HLCS: variants seen among roughly 807,000 people sequenced by gnomAD.
The protein encoded by HLCS is holocarboxylase synthetase.
A neutral mutation model predicts 75.0 loss-of-function variants in HLCS; 53 were observed. The ratio of observed to expected loss-of-function variants is 0.71; its 90% CI spans 0.57 to 0.89. The LOEUF is 0.89. Ranked by LOEUF, HLCS falls within the 40% of genes least tolerant of loss-of-function variation. The pLI is 0.00. For missense variants in HLCS, 966 were observed against 1,074.0 expected, an observed-to-expected ratio of 0.90 and a Z score of 1.41; for synonymous variants, 431 against 428.6, an observed-to-expected ratio of 1.01 and a Z score of -0.07.
intron 5 of HLCS, among the ~76,000 whole-genome samples, chr21:36,905,047 T>C (rs950093373): frequency 3.9e-5 from 6 of 152,218 alleles, no homozygotes; most frequent in Non-Finnish European, 7.3e-5. Context: ...CCCACAGCCG[T>C]TCACAAACTT....
rs116526486 is a variant in HLCS at position 36,753,699 on chromosome 21, G to A, written c.*547C>T. On this transcript the variant is annotated 3_prime_UTR_variant, in exon 11 of 11. Coordinates refer to ENST00000674895, the MANE Select transcript of HLCS (RefSeq NM_001352514.2). The surrounding 1 kb of genome is among the most constrained non-coding windows in gnomAD (Gnocchi z 4.3). ...GACTTCGCTATGGGGCCACACCACC[G>A]GGTGGACAGTAACTCTTGGAAGTCT... 2,716 of 167,672 alleles carry A rather than the reference G, an allele frequency of 0.016. 73 individuals carry two copies. The highest frequency in any genetic ancestry group is 0.061 in the African/African-American group (2,546 of 41,606). 10.4% of individuals were successfully genotyped at this position (167,672 alleles called of 1,614,324 possible).
intron 5 of HLCS, among the ~76,000 whole-genome samples, chr21:36,915,660 G>T (rs1433257492): frequency 1.3e-5 from 2 of 152,226 alleles, no homozygotes; most frequent in African/African-American, 2.4e-5. Flanking sequence ...CTACTGAAAA[G>T]TGTTTTTAAT....
rs548755709 is a variant in HLCS at position 36,770,913 on chromosome 21, C to T, written c.1893-3628G>A. 1.3e-4 allele frequency among the ~76,000 whole-genome samples: 20 copies of T among 152,154 alleles called. No homozygotes were observed. The South Asian group carries it at 3.5e-3, about 27-fold the overall frequency. On this transcript the variant is annotated intron_variant, in intron 6 of 10. Transcript: ENST00000674895. ...CTTCTAAGTATAAGACCAAAAGGTCCGTTTTAAAAAGAAATAAGACAATTG... is the reference window on the plus strand; with the variant it reads ...CTTCTAAGTATAAGACCAAAAGGTCTGTTTTAAAAAGAAATAAGACAATTG...
chr21:36,988,478 A>G (rs1325253398), intron 1 of HLCS, among the ~76,000 whole-genome samples: 2 of 152,210 alleles, frequency 1.3e-5, no homozygotes, highest in Non-Finnish European at 2.9e-5. Context: ...AGTTGTTTCC[A>G]AAATTTTGCC....
Position 36,930,275 on chromosome 21 carries a change from A to G in HLCS, c.1596T>C (p.Pro532=). Residue 532 remains proline, a synonymous_variant, in exon 5 of 11, where the codon CCT becomes CCC. Transcript: ENST00000674895. ...CCTCCGCAGCTGACAGCAAGTAAAG[A>G]GGAGTTAAGGCAGGAACTTGTTTCA... ...CDMKQVPALT[P]LYLLSAAEEI... is the part of the protein sequence containing the mutation. 6.2e-7 allele frequency: 1 copy of G among 1,614,184 alleles called. No homozygotes were observed. The highest frequency in any genetic ancestry group is 1.1e-5 in the South Asian group (1 of 91,084).
intron 6 of HLCS, among the ~76,000 whole-genome samples, chr21:36,770,282 G>T (rs536258401): frequency 1.1e-3 from 174 of 151,960 alleles, no homozygotes; most frequent in African/African-American, 4.0e-3. Flanking sequence ...GAATAGCTGG[G>T]ATTACAGGTG....
chr21:36,770,271 C>G (rs1055841372), intron 6 of HLCS, among the ~76,000 whole-genome samples: 1 of 151,652 alleles, frequency 6.6e-6, no homozygotes, highest in Non-Finnish European at 1.5e-5. Flanking sequence ...CTCAGCCTCC[C>G]GAATAGCTGG....
In HLCS at chr21:36,748,676, C is replaced by T. The variant is rs570905675; in HGVS notation, c.*5570G>A. The stretch of plus-strand genomic sequence containing the variant: ...CCCTTTCTTCAATACAAAAAGCCAA[C>T]AAACCAAGACTAAGGGGGTGACCAT... On this transcript the variant is annotated 3_prime_UTR_variant, in exon 11 of 11. Coordinates refer to ENST00000674895, the MANE Select transcript of HLCS (RefSeq NM_001352514.2). The T allele has an allele frequency of 1.3e-5, 2 of 152,664 alleles. No homozygotes were observed. Among genetic ancestry groups the T allele is most frequent in the African/African-American group, 4.8e-5 (2 of 41,570 alleles). The allele number at this position is 152,664 out of a possible 1,614,324, so 9.5% of individuals were successfully genotyped here.
At chr21:36,942,917 G>A (rs372028677) in intron 2 of HLCS, among the ~76,000 whole-genome samples, 2 of 151,514 alleles carry the variant, frequency 1.3e-5, no homozygotes, top group East Asian at 1.9e-4. Flanking sequence ...GCGACAGAGC[G>A]AGACTCCATC....
At chr21:36,875,692 C>T (rs2063943343) in intron 6 of HLCS, among the ~76,000 whole-genome samples, 1 of 152,236 alleles carries the variant, frequency 6.6e-6, no homozygotes, top group Admixed American at 6.5e-5. Context: ...TTCTCTCTGC[C>T]TTGCTCGCCC....
At chr21:36,825,762 GATACAGCTTCTAGACAATAAGC>G (rs2061988582) in intron 6 of HLCS, among the ~76,000 whole-genome samples, 1 of 152,168 alleles carries the variant, frequency 6.6e-6, no homozygotes, top group African/African-American at 2.4e-5. Context: ...TGACTCTGGG[GATACAGCTTCTAGACAATAAGC>G]AGCAAGTTAG....
intron 5 of HLCS, among the ~76,000 whole-genome samples, chr21:36,922,531 C>A (rs1049917594): frequency 3.9e-5 from 6 of 152,214 alleles, no homozygotes; most frequent in African/African-American, 1.4e-4. Flanking sequence ...ACAAAACAAA[C>A]AAATTAGGAA....
intron 6 of HLCS, among the ~76,000 whole-genome samples, chr21:36,780,513 C>T (rs577771625): frequency 9.3e-4 from 141 of 152,218 alleles, no homozygotes; most frequent in Middle Eastern, 3.4e-3. Context: ...CCACCGCACC[C>T]GGCTCCTCAT....
intron 1 of HLCS, among the ~76,000 whole-genome samples, chr21:36,985,464 C>G (rs1294390037): frequency 6.6e-6 from 1 of 150,504 alleles, no homozygotes; most frequent in Non-Finnish European, 1.5e-5. Flanking sequence ...GAAACCCCGT[C>G]TCTACTAAAA....
intron 6 of HLCS, among the ~76,000 whole-genome samples, chr21:36,890,834 T>C (rs922413566): frequency 9.9e-5 from 15 of 152,212 alleles, no homozygotes; most frequent in Non-Finnish European, 2.2e-4. Flanking sequence ...GTCAAATAAT[T>C]ATCTTCACCT....
At chr21:36,839,077 G>A (rs192946258) in intron 6 of HLCS, among the ~76,000 whole-genome samples, 16 of 152,234 alleles carry the variant, frequency 1.1e-4, no homozygotes, top group African/African-American at 3.6e-4. Flanking sequence ...CAGTTAACAG[G>A]GACCAACCTC....
intron 6 of HLCS, among the ~76,000 whole-genome samples, chr21:36,860,611 T>A (rs2063352187): frequency 6.6e-6 from 1 of 152,234 alleles, no homozygotes; most frequent in Non-Finnish European, 1.5e-5. Context: ...TCATTTTATT[T>A]TGGAAGGAGG....
chr21:36,875,818 A>T (rs2146251838), intron 6 of HLCS, among the ~76,000 whole-genome samples: 1 of 152,282 alleles, frequency 6.6e-6, no homozygotes, highest in South Asian at 2.1e-4. Context: ...CCTGCTCGCC[A>T]TGTTGCAGGT....
At chr21:36,881,315 A>T (rs916822554) in intron 6 of HLCS, among the ~76,000 whole-genome samples, 5 of 152,008 alleles carry the variant, frequency 3.3e-5, no homozygotes, top group African/African-American at 9.7e-5. Flanking sequence ...GTAATTGGAG[A>T]CATCTGAACA....
Sources: gnomAD v4.1 joint callset for allele counts (sites outside exome capture counted in the v4.1 genomes callset) on GRCh38, gnomAD v4.1.1 for gene constraint, Gnocchi (gnomAD v3.1) non-coding constraint, MANE v1.5 for transcripts, NCBI Gene and HGNC (gene_info 2026-07-23, HGNC 2026-07-21) for gene names.